Variants in RPS6KC1 observed in about 807,000 individuals in gnomAD.
The protein encoded by RPS6KC1 is ribosomal protein S6 kinase C1.
A neutral mutation model predicts 103.8 loss-of-function variants in RPS6KC1; 54 were observed. The ratio of observed to expected loss-of-function variants is 0.52; its 90% CI spans 0.42 to 0.65. The LOEUF (loss-of-function observed/expected upper bound fraction) is 0.65. Ranked by LOEUF, RPS6KC1 falls within the 30% of genes least tolerant of loss-of-function variation. RPS6KC1 has a pLI of 0.00. For missense variants in RPS6KC1, 1,151 were observed against 1,253.8 expected (o/e 0.92, Z 1.24); for synonymous variants, 439 against 438.7 (o/e 1.00, Z -0.01).
chr1:213,608,961 C>T, the RPS6KC1 span, among the ~76,000 whole-genome samples: 38 of 151,934 alleles, frequency 2.5e-4, no homozygotes, highest in Middle Eastern at 3.4e-3. Context: ...AAATATTTGT[C>T]GACATTTATA....
chr1:213,471,120 A>T, the RPS6KC1 span, among the ~76,000 whole-genome samples: 1 of 152,090 alleles, frequency 6.6e-6, no homozygotes, highest in Non-Finnish European at 1.5e-5. Context: ...GAAATCATAG[A>T]TTCATTCTGT....
chr1:213,718,752 T>C, the RPS6KC1 span, among the ~76,000 whole-genome samples: 71 of 152,316 alleles, frequency 4.7e-4, 1 homozygote, highest in Admixed American at 3.3e-3. Flanking sequence ...TGGCTGGGCT[T>C]TGGGGGAGGA....
intron 6 of RPS6KC1, among the ~76,000 whole-genome samples, chr1:213,162,696 T>C (rs1473878957): frequency 6.6e-6 from 1 of 152,232 alleles, no homozygotes; most frequent in East Asian, 1.9e-4. Flanking sequence ...AAGAACACTG[T>C]CTCTGTAGGT....
the RPS6KC1 span, among the ~76,000 whole-genome samples, chr1:213,329,814 G>A: frequency 1.3e-5 from 2 of 152,014 alleles, no homozygotes; most frequent in African/African-American, 4.8e-5. Context: ...TTCTTCTATT[G>A]GGGTCTCACC....
the RPS6KC1 span, among the ~76,000 whole-genome samples, chr1:213,656,734 A>G: frequency 9.2e-5 from 14 of 152,230 alleles, no homozygotes; most frequent in Non-Finnish European, 1.8e-4. Context: ...CTCAGCAAAA[A>G]GGAATCTTTT....
chr1:213,561,642 T>C, the RPS6KC1 span, among the ~76,000 whole-genome samples: 7 of 152,316 alleles, frequency 4.6e-5, no homozygotes, highest in African/African-American at 1.7e-4. Flanking sequence ...CTCTCTTTTC[T>C]GGGATCAGTG....
chr1:213,630,586 G>T, the RPS6KC1 span, among the ~76,000 whole-genome samples: 1 of 152,206 alleles, frequency 6.6e-6, no homozygotes, highest in East Asian at 1.9e-4. Flanking sequence ...ACTCGTCAAA[G>T]TCATTCTCCA....
the RPS6KC1 span, chr1:213,818,121 C>T: frequency 2.6e-5 from 4 of 152,186 alleles, no homozygotes; most frequent in Non-Finnish European, 5.9e-5. Context: ...CTCTCTGGGC[C>T]TCCCTGTTCC....
the RPS6KC1 span, among the ~76,000 whole-genome samples, chr1:213,860,380 GA>G: frequency 1.1e-3 from 170 of 150,472 alleles, 1 homozygote; most frequent in African/African-American, 3.9e-3. Context: ...TTCAATTCTT[GA>G]GTGGCAAAAT....
chr1:213,727,393 A>G, the RPS6KC1 span, among the ~76,000 whole-genome samples: 2 of 152,216 alleles, frequency 1.3e-5, no homozygotes, highest in Admixed American at 6.5e-5. Context: ...AGGAAGAAAA[A>G]GCATTAAACA....
At chr1:213,776,102 T>C in the RPS6KC1 span, among the ~76,000 whole-genome samples, 70 of 152,350 alleles carry the variant, frequency 4.6e-4, no homozygotes, top group African/African-American at 1.6e-3. Flanking sequence ...CCTCCACTAA[T>C]GTCTTCAACT....
the RPS6KC1 span, among the ~76,000 whole-genome samples, chr1:213,327,150 T>C: frequency 3.1e-4 from 47 of 151,654 alleles, 1 homozygote; most frequent in African/African-American, 1.1e-3. Context: ...ATGGGAAGAT[T>C]GCACAAGCCT....
chr1:213,763,471 G>A, the RPS6KC1 span, among the ~76,000 whole-genome samples: 1 of 152,156 alleles, frequency 6.6e-6, no homozygotes, highest in Non-Finnish European at 1.5e-5. Context: ...CAGGAAAAGG[G>A]TAACATGGAC....
chr1:213,241,224 C>G lies in RPS6KC1; in HGVS notation c.1748C>G (p.Ser583Cys), dbSNP rs2094344395. The stretch of plus-strand genomic sequence containing the variant: ...AACGATGACCCAGAAGCAGTTAGTT[C>G]TCCAAGAACATCAGATTCCCTCAGT... Reference protein sequence around the residue: ...FPNDDPEAVSSPRTSDSLSRS... With the variant: ...FPNDDPEAVSCPRTSDSLSRS... The change falls in exon 11 of 15, where the codon TCT becomes TGT. Residue 583 changes from serine (S) to cysteine (C), a missense_variant. Coordinates refer to ENST00000366960, the MANE Select transcript of RPS6KC1 (RefSeq NM_012424.6). 1 of 1,613,694 alleles carries G rather than the reference C, an allele frequency of 6.2e-7. No homozygotes were observed. Among genetic ancestry groups the G allele is most frequent in the Admixed American group, 1.7e-5 (1 of 59,930 alleles).
intron 3 of RPS6KC1, among the ~76,000 whole-genome samples, chr1:213,100,826 A>ACAT (rs2081957944): frequency 1.3e-5 from 2 of 152,298 alleles, no homozygotes; most frequent in South Asian, 4.1e-4. Context: ...TTCTTTATCC[A>ACAT]GTCCACTGTT....
chr1:213,064,800 C>G (rs2078165300), intron 1 of RPS6KC1, among the ~76,000 whole-genome samples: 1 of 150,382 alleles, frequency 6.6e-6, no homozygotes, highest in South Asian at 2.1e-4. Context: ...GCCTCAGCCT[C>G]CCGAGTAACT....
the RPS6KC1 span, among the ~76,000 whole-genome samples, chr1:213,567,108 A>G: frequency 6.6e-6 from 1 of 152,140 alleles, no homozygotes; most frequent in Non-Finnish European, 1.5e-5. Context: ...CACTTTTTAT[A>G]TTAATTTCTA....
the RPS6KC1 span, among the ~76,000 whole-genome samples, chr1:213,710,566 G>A: frequency 6.6e-6 from 1 of 152,264 alleles, no homozygotes; most frequent in African/African-American, 2.4e-5. Flanking sequence ...TATGATGCTA[G>A]CTGGTTATTT....
At chr1:213,354,446 A>C in the RPS6KC1 span, among the ~76,000 whole-genome samples, 2 of 152,322 alleles carry the variant, frequency 1.3e-5, no homozygotes, top group East Asian at 3.9e-4. Flanking sequence ...TTCTTTCCCC[A>C]AGAGATATTT....
Sources: gnomAD v4.1 joint callset for allele counts (sites outside exome capture counted in the v4.1 genomes callset) on GRCh38, gnomAD v4.1.1 for gene constraint, MANE v1.5 for transcripts, NCBI Gene and HGNC (gene_info 2026-07-23, HGNC 2026-07-21) for gene names.